PCDHGB3: variants seen among roughly 807,000 people sequenced by gnomAD.
PCDHGB3 encodes the protein protocadherin gamma subfamily B, 3.
Under a neutral mutation model 59.2 loss-of-function variants are expected in PCDHGB3, and 40 were observed. That is an observed-to-expected ratio of 0.68 (90% CI 0.52 to 0.88). The LOEUF (loss-of-function observed/expected upper bound fraction) is 0.88. Ranked by LOEUF, PCDHGB3 falls within the 40% of genes least tolerant of loss-of-function variation. The probability of loss-of-function intolerance (pLI) is 0.00; values close to 1 mark genes in which losing one functional copy is unlikely to be tolerated. For missense variants in PCDHGB3, 1,309 were observed against 1,187.9 expected (o/e 1.10, Z -1.50); for synonymous variants, 581 against 503.6 (o/e 1.15, Z -2.06).
chr5:141,499,275 C>T (rs1259707742), intron 2 of PCDHGB3, among the ~76,000 whole-genome samples: 1 of 152,178 alleles, frequency 6.6e-6, no homozygotes, highest in African/African-American at 2.4e-5. Flanking sequence ...CTAGACTGTT[C>T]TCTGATGGCT....
intron 1 of PCDHGB3, among the ~76,000 whole-genome samples, chr5:141,482,072 C>G (rs1010432509): frequency 1.5e-5 from 2 of 133,436 alleles, no homozygotes; most frequent in African/African-American, 5.9e-5. Flanking sequence ...GCAACAAGAA[C>G]AAAACTCACT....
At chr5:141,441,862 G>A (rs2098280399) in intron 1 of PCDHGB3, 3 of 342,456 alleles carry the variant, frequency 8.8e-6, no homozygotes, top group Non-Finnish European at 1.1e-5. Context: ...GCTGCACGCC[G>A]CGGAGCCTGG....
In PCDHGB3 at chr5:141,410,693, A is replaced by AT. The variant is rs774266569; in HGVS notation, c.2415+37888dup. On this transcript the variant is annotated intron_variant, in intron 1 of 3. Coordinates refer to ENST00000576222, the MANE Select transcript of PCDHGB3 (RefSeq NM_018924.5). ...TCTCATATTTTAGGCATACTACTTT[A>AT]TTTTCATATCTAGAATCATATGTTT... The AT allele has an allele frequency of 1.1e-5, 17 of 1,496,786 alleles. No homozygotes were observed. In the Admixed American group the frequency reaches 3.7e-4, roughly 33 times the overall value. The allele number at this position is 1,496,786 out of a possible 1,614,324, so 92.7% of individuals were successfully genotyped here.
chr5:141,490,402 G>A lies in PCDHGB3; in HGVS notation c.2416-4405G>A. On this transcript the variant is annotated intron_variant, in intron 1 of 3. Coordinates refer to ENST00000576222, the MANE Select transcript of PCDHGB3 (RefSeq NM_018924.5). This position sits in a 1 kb window ranked among gnomAD's most constrained non-coding sequence, Gnocchi z 5.4. The stretch of plus-strand genomic sequence containing the variant: ...AGGTAGAAATGGTGAAGTGAGCCTT[G>A]ATATCTCTCCGGACCTGCCATTTCA... 6.2e-7 allele frequency: 1 copy of A among 1,614,182 alleles called. No homozygotes were observed. The highest frequency in any genetic ancestry group is 8.5e-7 in the Non-Finnish European group (1 of 1,180,024).
Position 141,489,072 on chromosome 5 carries a change from AC to A in PCDHGB3, c.2416-5730del. The A allele has an allele frequency of 6.3e-6, 1 of 157,708 alleles. No individual in the cohort carries two copies. The highest frequency in any genetic ancestry group is 1.2e-5 in the Non-Finnish European group (1 of 83,994). The allele number at this position is 157,708 out of a possible 1,614,324, so 9.8% of individuals were successfully genotyped here. On this transcript the variant is annotated intron_variant, in intron 1 of 3. Coordinates refer to ENST00000576222, the MANE Select transcript of PCDHGB3 (RefSeq NM_018924.5). This position sits in a 1 kb window ranked among gnomAD's most constrained non-coding sequence, Gnocchi z 4.5. ...AATTCAGCTCCCCTCCCCCCTGCCC[AC>A]CCCCGCCACTCGGTGACTAAGAACT...
Position 141,477,161 on chromosome 5 carries a change from G to A in PCDHGB3, c.2416-17646G>A, listed in dbSNP as rs761453939. On this transcript the variant is annotated intron_variant, in intron 1 of 3. Transcript: ENST00000576222. The surrounding 1 kb of genome is among the most constrained non-coding windows in gnomAD (Gnocchi z 4.9). ...GGAGGTTGTGGATGTGAATGACAAC[G>A]CCCCGGAGATCACAGTCACCTCCGT... 1.9e-6 allele frequency: 3 copies of A among 1,613,988 alleles called. No individual in the cohort carries two copies. The highest frequency in any genetic ancestry group is 2.7e-5 in the African/African-American group (2 of 74,904).
intron 1 of PCDHGB3, among the ~76,000 whole-genome samples, chr5:141,437,052 T>A (rs986734485): frequency 6.6e-5 from 10 of 152,258 alleles, no homozygotes; most frequent in Non-Finnish European, 1.3e-4. Flanking sequence ...AGAAGGCTGG[T>A]GATCATTATT....
At chr5:141,505,523 G>C in intron 3 of PCDHGB3, 42 bp downstream of exon 3, 2 of 1,612,760 alleles carry the variant, frequency 1.2e-6, no homozygotes, top group South Asian at 2.2e-5. Context: ...GGGAGACCTG[G>C]GGTTCTGGGG....
Position 141,370,410 on chromosome 5 carries a change from G to A in PCDHGB3, c.16G>A (p.Gly6Arg). 1 of 1,565,394 alleles carries A rather than the reference G, an allele frequency of 6.4e-7. No individual in the cohort carries two copies. Residue 6 changes from glycine (G) to arginine (R), a missense_variant, in exon 1 of 4, where the codon GGA becomes AGA. Coordinates refer to ENST00000576222, the MANE Select transcript of PCDHGB3 (RefSeq NM_018924.5). ...AGAGAGCGGGATGGGAAATAGCTCCGGATGGAGGGGCCCAGCAGGGCAGAG... is the reference window on the plus strand; with the variant it reads ...AGAGAGCGGGATGGGAAATAGCTCCAGATGGAGGGGCCCAGCAGGGCAGAG... MGNSS[G>R]WRGPAGQRRM...
At position 141,398,050 on chromosome 5, in the gene PCDHGB3, T is replaced by C. The variant is rs558695876; in HGVS notation, c.2415+25241T>C. Reference sequence around the variant, plus strand: ...ACTGGAACTAAAGCCCGTTCGGAGATCCAAAAATCTACAATACAGAGGTTA... The same window carrying C: ...ACTGGAACTAAAGCCCGTTCGGAGACCCAAAAATCTACAATACAGAGGTTA... On this transcript the variant is annotated intron_variant, in intron 1 of 3. Coordinates refer to ENST00000576222, the MANE Select transcript of PCDHGB3 (RefSeq NM_018924.5). 12 of 1,510,524 alleles carry C rather than the reference T, an allele frequency of 7.9e-6. No individual in the cohort carries two copies. The African/African-American group carries it at 1.1e-4, about 14-fold the overall frequency. 93.6% of individuals were successfully genotyped at this position (1,510,524 alleles called of 1,614,324 possible). A position where few individuals can be genotyped will look rare whatever the true frequency, so the allele number is the denominator to read the frequency against.
At chr5:141,374,860 A>C in intron 1 of PCDHGB3, 1 of 1,613,772 alleles carries the variant, frequency 6.2e-7, no homozygotes, top group East Asian at 2.2e-5. Context: ...CAGTAGGCAC[A>C]CCAGTGTTGG....
intron 1 of PCDHGB3, chr5:141,385,631 G>A (rs539938751): frequency 7.4e-6 from 7 of 947,722 alleles, no homozygotes; most frequent in Middle Eastern, 4.4e-4. Flanking sequence ...GGAATGAATC[G>A]AGTCTTTCAT....
At chr5:141,419,555 G>A (rs1411289369) in intron 1 of PCDHGB3, 3 of 1,611,876 alleles carry the variant, frequency 1.9e-6, no homozygotes, top group South Asian at 1.1e-5. Context: ...GCTGTACCCT[G>A]CGCTGGGTCC....
At chr5:141,456,574 T>G (rs373414652) in intron 1 of PCDHGB3, among the ~76,000 whole-genome samples, 3 of 152,198 alleles carry the variant, frequency 2.0e-5, no homozygotes, top group South Asian at 4.1e-4. Flanking sequence ...ACATTTTCCC[T>G]GAGCCTGTCA....
At chr5:141,443,166 C>G (rs914863821) in intron 1 of PCDHGB3, among the ~76,000 whole-genome samples, 1 of 152,124 alleles carries the variant, frequency 6.6e-6, no homozygotes, top group African/African-American at 2.4e-5. Flanking sequence ...ATTTCCCTAC[C>G]CATGTCCACT....
chr5:141,457,498 G>A (rs193168963), intron 1 of PCDHGB3, among the ~76,000 whole-genome samples: 23 of 152,246 alleles, frequency 1.5e-4, no homozygotes, highest in African/African-American at 4.3e-4. Flanking sequence ...TAAAATGTAG[G>A]CAAAAAGCTT....
intron 1 of PCDHGB3, chr5:141,389,206 G>A: frequency 6.2e-7 from 1 of 1,614,014 alleles, no homozygotes; most frequent in Non-Finnish European, 8.5e-7. Context: ...CTGCACATTG[G>A]TGATGTAAAT....
intron 1 of PCDHGB3, chr5:141,373,786 G>A: frequency 3.4e-6 from 1 of 289,890 alleles, no homozygotes; most frequent in Non-Finnish European, 6.3e-6. Flanking sequence ...AGATTTAGCA[G>A]AAATAAAATC....
rs1395688351 is a variant in PCDHGB3 at position 141,485,907 on chromosome 5, C to A, written c.2416-8900C>A. On this transcript the variant is annotated intron_variant, in intron 1 of 3. Coordinates refer to ENST00000576222, the MANE Select transcript of PCDHGB3 (RefSeq NM_018924.5). The surrounding 1 kb of genome is among the most constrained non-coding windows in gnomAD (Gnocchi z 5.7). ...GACAACGCCCCAGCCTTCCAGCAAT[C>A]CAGCTACAGGATTAGTGTGTTGGAG... is the stretch of plus-strand genomic sequence containing the variant. 6.2e-7 allele frequency: 1 copy of A among 1,614,176 alleles called. No homozygotes were observed.
Sources: allele counts gnomAD v4.1 joint callset (sites outside exome capture counted in the v4.1 genomes callset), GRCh38; gene constraint gnomAD v4.1.1; non-coding constraint Gnocchi (gnomAD v3.1); transcripts MANE v1.5; gene names NCBI Gene and HGNC (gene_info 2026-07-23, HGNC 2026-07-21).